ZMAT4: variants seen among roughly 807,000 people sequenced by gnomAD.
ZMAT4 encodes zinc finger matrin-type 4.
ZMAT4 carries 17 observed loss-of-function variants against 28.7 expected under a neutral mutation model. The observed-to-expected ratio is 0.59, with a 90% CI of 0.41 to 0.89. The LOEUF (loss-of-function observed/expected upper bound fraction) is 0.89. Among genes scored for constraint, ZMAT4 ranks in the 40% least tolerant of loss-of-function variants. The pLI is 0.00. For missense variants in ZMAT4, 240 were observed against 283.8 expected (o/e 0.85, Z 1.11); for synonymous variants, 117 against 109.2 (o/e 1.07, Z -0.44).
At position 40,735,526 on chromosome 8, in the gene ZMAT4, A is replaced by T. The variant is rs540880754; in HGVS notation, c.192+32115T>A. Among the ~76,000 whole-genome samples, 4 of 152,320 alleles carry T rather than the reference A, an allele frequency of 2.6e-5. No individual in the cohort carries two copies. In the South Asian group the frequency reaches 8.3e-4, roughly 32 times the overall value. ...AGTGCCAGATTTTTTTAAAAGCATT[A>T]CTAAAATAAAGGATATGAGTTAGAA... On this transcript the variant is annotated intron_variant, in intron 3 of 6. Transcript: ENST00000297737.
chr8:40,532,040 A>C lies in ZMAT4; in HGVS notation c.*183T>G. On this transcript the variant is annotated 3_prime_UTR_variant, in exon 7 of 7. Coordinates refer to ENST00000297737, the MANE Select transcript of ZMAT4 (RefSeq NM_024645.3). Reference sequence around the variant, plus strand: ...CATAACTTACCCCAAAATTAAAAAAAGGAAAAAGAAAAAAGAAACCTCATT... The same window carrying C: ...CATAACTTACCCCAAAATTAAAAAACGGAAAAAGAAAAAAGAAACCTCATT... 2.2e-6 allele frequency: 1 copy of C among 455,754 alleles called. No individual in the cohort carries two copies. Among genetic ancestry groups the C allele is most frequent in the Middle Eastern group, 5.6e-4 (1 of 1,788 alleles). 28.2% of individuals were successfully genotyped at this position (455,754 alleles called of 1,614,324 possible).
At chr8:40,792,687 AGGAGGAGAGGGGAGGGGAGG>A in intron 2 of ZMAT4, among the ~76,000 whole-genome samples, 1 of 7,248 alleles carries the variant, frequency 1.4e-4, no homozygotes, top group Non-Finnish European at 2.3e-4. Context: ...GGGAGGGGAG[AGGAGGAGAGGGGAGGGGAGG>A]GGAGGAGGTG....
At chr8:40,796,250 G>T (rs901143950) in intron 2 of ZMAT4, among the ~76,000 whole-genome samples, 1 of 152,184 alleles carries the variant, frequency 6.6e-6, no homozygotes, top group South Asian at 2.1e-4. Context: ...AGAGGAAACC[G>T]GCCCCACCGT....
chr8:40,811,926 T>A (rs1040629317), intron 2 of ZMAT4, among the ~76,000 whole-genome samples: 4 of 151,696 alleles, frequency 2.6e-5, no homozygotes, highest in African/African-American at 9.7e-5. Context: ...AGGTCAGGAG[T>A]TCGAGACCAG....
intron 1 of ZMAT4, among the ~76,000 whole-genome samples, chr8:40,853,183 G>A (rs1334243242): frequency 1.3e-5 from 2 of 152,176 alleles, no homozygotes; most frequent in Non-Finnish European, 2.9e-5. Context: ...GTAGGAGGCA[G>A]AAGTCCTTTA....
At chr8:40,651,772 A>G (rs551376054) in intron 5 of ZMAT4, among the ~76,000 whole-genome samples, 9 of 148,856 alleles carry the variant, frequency 6.0e-5, no homozygotes, top group Non-Finnish European at 1.0e-4. Context: ...CTCAGAAATA[A>G]CGCCGCATAT....
chr8:40,796,182 CA>C (rs915023159), intron 2 of ZMAT4, among the ~76,000 whole-genome samples: 6 of 152,180 alleles, frequency 3.9e-5, no homozygotes, highest in Non-Finnish European at 8.8e-5. Flanking sequence ...AACAGATACC[CA>C]GTGTGCATCC....
At chr8:40,795,951 C>T (rs1814577882) in intron 2 of ZMAT4, among the ~76,000 whole-genome samples, 1 of 152,210 alleles carries the variant, frequency 6.6e-6, no homozygotes, top group African/African-American at 2.4e-5. Flanking sequence ...TAATTTTCCA[C>T]ACTTTCTTCT....
intron 2 of ZMAT4, among the ~76,000 whole-genome samples, chr8:40,770,480 T>C (rs949328265): frequency 2.0e-5 from 3 of 150,696 alleles, no homozygotes; most frequent in Admixed American, 6.6e-5. Context: ...GGGAGCCCCC[T>C]CCTTCCTTCC....
At chr8:40,616,265 G>A (rs2118675232) in intron 5 of ZMAT4, among the ~76,000 whole-genome samples, 1 of 152,322 alleles carries the variant, frequency 6.6e-6, no homozygotes, top group South Asian at 2.1e-4. Context: ...TGGAGAAATA[G>A]GAACACTTTT....
At chr8:40,710,524 A>G (rs1182822310) in intron 3 of ZMAT4, among the ~76,000 whole-genome samples, 1 of 152,136 alleles carries the variant, frequency 6.6e-6, no homozygotes. Flanking sequence ...AGGGCTTAAA[A>G]ACAATGACAA....
chr8:40,808,403 G>A, intron 2 of ZMAT4: 1 of 321,620 alleles, frequency 3.1e-6, no homozygotes. Context: ...AAAAAAGACA[G>A]CATATTTTGG....
intron 5 of ZMAT4, among the ~76,000 whole-genome samples, chr8:40,615,750 G>C (rs911563015): frequency 2.0e-5 from 3 of 152,158 alleles, no homozygotes; most frequent in African/African-American, 7.2e-5. Context: ...TCATCAAGTA[G>C]TTCTCGTGCC....
At chr8:40,681,163 G>C (rs1809147786) in intron 4 of ZMAT4, among the ~76,000 whole-genome samples, 1 of 152,154 alleles carries the variant, frequency 6.6e-6, no homozygotes. Context: ...GTAAAGACCA[G>C]ATCTCTGGAC....
At chr8:40,666,036 CTAAAG>C (rs1399878495) in intron 5 of ZMAT4, among the ~76,000 whole-genome samples, 1 of 152,094 alleles carries the variant, frequency 6.6e-6, no homozygotes, top group African/African-American at 2.4e-5. Context: ...TTTTTCCATC[CTAAAG>C]TATTTAAAAG....
chr8:40,825,008 T>G (rs564623676), intron 2 of ZMAT4, among the ~76,000 whole-genome samples: 28 of 152,330 alleles, frequency 1.8e-4, no homozygotes, highest in South Asian at 1.2e-3. Context: ...GTGCCACTAA[T>G]TTATGACTTT....
rs570036881 is a variant in ZMAT4, at chr8:40,718,398, TCC to T, written c.193-20999_193-20998del. On this transcript the variant is annotated intron_variant, in intron 3 of 6. Coordinates refer to ENST00000297737, the MANE Select transcript of ZMAT4 (RefSeq NM_024645.3). ...TGGACAATCTAGCCAAGCTTACTGA[TCC>T]CATCCTTGAAGATAGAAGTAAGCCA... 6.5e-3 allele frequency among the ~76,000 whole-genome samples: 996 copies of T among 152,278 alleles called. 13 individuals are homozygous for T. The highest frequency in any genetic ancestry group is 0.023 in the African/African-American group (964 of 41,566).
At chr8:40,799,226 G>A (rs1252047801) in intron 2 of ZMAT4, among the ~76,000 whole-genome samples, 1 of 30,242 alleles carries the variant, frequency 3.3e-5, no homozygotes, top group Non-Finnish European at 7.2e-5. Flanking sequence ...TGGATGGATG[G>A]ATAGATAGAT....
At chr8:40,733,967 T>A (rs4618678) in intron 3 of ZMAT4, among the ~76,000 whole-genome samples, 35,600 of 151,958 alleles carry the variant, frequency 0.23, 4,731 homozygotes, top group East Asian at 0.56. Context: ...AGATACTATG[T>A]ACACTAAAAT....
Sources: allele counts gnomAD v4.1 joint callset (sites outside exome capture counted in the v4.1 genomes callset), GRCh38; gene constraint gnomAD v4.1.1; transcripts MANE v1.5; gene names NCBI Gene and HGNC (gene_info 2026-07-23, HGNC 2026-07-21).